The following TPSB2 variants were observed in gnomAD, a reference collection of about 807,000 sequenced individuals.
TPSB2 encodes tryptase beta 2.
TPSB2 carries 13 observed loss-of-function variants against 19.8 expected under a neutral mutation model. The ratio of observed to expected loss-of-function variants is 0.66; its 90% CI spans 0.43 to 1.04. The LOEUF (loss-of-function observed/expected upper bound fraction) is 1.04, where lower values mean the gene tolerates loss of function less well. Among genes scored for constraint, TPSB2 ranks in the 50% least tolerant of loss-of-function variants. The pLI, the probability that TPSB2 is intolerant of heterozygous loss-of-function variation, is 0.00. For missense variants in TPSB2, 196 were observed against 259.9 expected (o/e 0.75, Z 1.69); for synonymous variants, 78 against 116.4 (o/e 0.67, Z 2.12).
In TPSB2 at chr16:1,228,575, T is replaced by C. The variant is rs2030271857; in HGVS notation, c.*75A>G. The C allele has an allele frequency of 1.4e-6, 2 of 1,476,504 alleles. No individual in the cohort carries two copies. Among genetic ancestry groups the C allele is most frequent in the Non-Finnish European group, 9.2e-7 (1 of 1,085,014 alleles). 91.5% of individuals were successfully genotyped at this position (1,476,504 alleles called of 1,614,324 possible). A position where few individuals can be genotyped will look rare whatever the true frequency, so the allele number is the denominator to read the frequency against. Reference sequence around the variant, plus strand: ...GAAGGTGTGGGGGGCAGTCGCCACCTGGGTAGGAAGCAGTGGTGTTTTGAA... The same window carrying C: ...GAAGGTGTGGGGGGCAGTCGCCACCCGGGTAGGAAGCAGTGGTGTTTTGAA... On this transcript the variant is annotated 3_prime_UTR_variant, in exon 6 of 6. Transcript: ENST00000606293.
chr16:1,228,462 G>C lies in TPSB2; in HGVS notation c.*188C>G, dbSNP rs1256403040. On this transcript the variant is annotated 3_prime_UTR_variant, in exon 6 of 6. Coordinates refer to ENST00000606293, the MANE Select transcript of TPSB2 (RefSeq NM_024164.6). The stretch of plus-strand genomic sequence containing the variant: ...GGCTTAGGACAGGGAAGGGGGCTCA[G>C]GATGGGGAAGGGTCCTCAGGACAGG... The C allele has an allele frequency of 1.6e-6, 2 of 1,260,516 alleles. No individual in the cohort carries two copies. The highest frequency in any genetic ancestry group is 2.6e-5 in the Admixed American group (1 of 38,474). The allele number at this position is 1,260,516 out of a possible 1,614,324, so 78.1% of individuals were successfully genotyped here.
In TPSB2 at chr16:1,228,423, C is replaced by G. The variant is rs1340825845; in HGVS notation, c.*227G>C. 2.0e-6 allele frequency: 2 copies of G among 980,912 alleles called. No homozygotes were observed. The highest frequency in any genetic ancestry group is 2.9e-6 in the Non-Finnish European group (2 of 681,964). 60.8% of individuals were successfully genotyped at this position (980,912 alleles called of 1,614,324 possible). A position where few individuals can be genotyped will look rare whatever the true frequency, so the allele number is the denominator to read the frequency against. On this transcript the variant is annotated 3_prime_UTR_variant, in exon 6 of 6. Coordinates refer to ENST00000606293, the MANE Select transcript of TPSB2 (RefSeq NM_024164.6). ...CTGGGCAGGGGAGGGCCGGAGGGCC[C>G]GGTGCAGGCGTCAGGCTTAGGACAG...
In TPSB2 at chr16:1,228,471, A is replaced by G. The variant is rs2030266543; in HGVS notation, c.*179T>C. On this transcript the variant is annotated 3_prime_UTR_variant, in exon 6 of 6. Coordinates refer to ENST00000606293, the MANE Select transcript of TPSB2 (RefSeq NM_024164.6). ...CAGGGAAGGGGGCTCAGGATGGGGA[A>G]GGGTCCTCAGGACAGGGGAAGGGGC... is the stretch of plus-strand genomic sequence containing the variant. 10 of 1,242,354 alleles carry G rather than the reference A, an allele frequency of 8.0e-6. No individual in the cohort carries two copies. In the South Asian group the frequency reaches 1.4e-4, roughly 17 times the overall value. 77.0% of individuals were successfully genotyped at this position (1,242,354 alleles called of 1,614,324 possible). A position where few individuals can be genotyped will look rare whatever the true frequency, so the allele number is the denominator to read the frequency against.
At position 1,229,585 on chromosome 16, in the gene TPSB2, C is replaced by G. The variant is rs371932070; in HGVS notation, c.214G>C (p.Ala72Pro). 9 of 1,575,202 alleles carry G rather than the reference C, an allele frequency of 5.7e-6. No individual in the cohort carries two copies. The Admixed American group carries it at 1.1e-4, about 19-fold the overall frequency. Residue 72 changes from alanine (A) to proline (P), a missense_variant, in exon 3 of 6, where the codon GCA becomes CCA. By Grantham distance (27) the Ala-to-Pro change is conservative. This residue lies in a region of TPSB2 where 72 missense variants were observed against 80.5 expected (regional missense o/e 0.89). Coordinates refer to ENST00000606293, the MANE Select transcript of TPSB2 (RefSeq NM_024164.6). Reference sequence around the variant, plus strand: ...ACTCACGGTCCCACGCAGTGCGCTGCGGTCAGCACCCACTGGGGGTGGATG... The same window carrying G: ...ACTCACGGTCCCACGCAGTGCGCTGGGGTCAGCACCCACTGGGGGTGGATG... ...SLIHPQWVLT[A>P]AHCVGPDVKD... is the part of the protein sequence containing the mutation.
rs758011100 is a variant in TPSB2 at position 1,229,759 on chromosome 16, G to T, written c.62-22C>A. 8.4e-6 allele frequency: 13 copies of T among 1,545,358 alleles called. 1 individual carries two copies. The Admixed American group carries it at 2.6e-4, about 31-fold the overall frequency. On this transcript the variant is annotated intron_variant, in intron 2 of 5. Transcript: ENST00000606293. ...GGGGCTGGGGCAGGTGCCAGGTCAG[G>T]ACCAGGAAGCAGCCCCAGGCCTGGG... is the stretch of plus-strand genomic sequence containing the variant.
At position 1,229,751 on chromosome 16, in the gene TPSB2, C is replaced by T. The variant is rs776628993; in HGVS notation, c.62-14G>A. The T allele has an allele frequency of 1.2e-5, 18 of 1,558,318 alleles. No homozygotes were observed. The highest frequency in any genetic ancestry group is 1.6e-5 in the Non-Finnish European group (18 of 1,158,786). On this transcript the variant is annotated splice_polypyrimidine_tract_variant and intron_variant, in intron 2 of 5. Coordinates refer to ENST00000606293, the MANE Select transcript of TPSB2 (RefSeq NM_024164.6). ...CCTGGCCTGGGGCTGGGGCAGGTGC[C>T]AGGTCAGGACCAGGAAGCAGCCCCA...
Position 1,228,368 on chromosome 16 carries a change from T to C in TPSB2, c.*282A>G. 1 of 599,970 alleles carries C rather than the reference T, an allele frequency of 1.7e-6. No homozygotes were observed. Among genetic ancestry groups the C allele is most frequent in the South Asian group, 2.1e-5 (1 of 47,122 alleles). 37.2% of individuals were successfully genotyped at this position (599,970 alleles called of 1,614,324 possible). ...CATGCACTTTAATGAGGTCCAGCAC[T>C]CAGGAGGATTAGCGCCCACCACCAG... is the stretch of plus-strand genomic sequence containing the variant. On this transcript the variant is annotated 3_prime_UTR_variant, in exon 6 of 6. Transcript: ENST00000606293.
chr16:1,228,929 C>T lies in TPSB2; in HGVS notation c.634G>A (p.Ala212Thr). Residue 212 changes from alanine (A) to threonine (T), a missense_variant, in exon 5 of 6, where the codon GCC becomes ACC. Physicochemically the swap from Ala to Thr is moderately conservative, Grantham distance 58 (BLOSUM62 0). This residue lies in a region of TPSB2 where 109 missense variants were observed against 110.2 expected (regional missense o/e 0.99). Transcript: ENST00000606293. ...VRIVRDDMLC[A>T]GNTRRDSCQG... ...CATGAGTCCCTCCGGGTGTTCCCGG[C>T]ACACAGCATGTCGTCACGGACGATG... is the stretch of plus-strand genomic sequence containing the variant. 2 of 403,820 alleles carry T rather than the reference C, an allele frequency of 5.0e-6. No homozygotes were observed. The highest frequency in any genetic ancestry group is 8.2e-6 in the Non-Finnish European group (2 of 243,464). The allele number at this position is 403,820 out of a possible 1,614,324, so 25.0% of individuals were successfully genotyped here.
chr16:1,229,786 C>T (rs2030344132), intron 2 of TPSB2, 49 bp from the exon 3 acceptor site: 1 of 1,505,132 alleles, frequency 6.6e-7, no homozygotes, highest in East Asian at 2.3e-5. Flanking sequence ...AGGCCTGGGC[C>T]CAGCCCTTCC....
Position 1,228,665 on chromosome 16 carries a change from G to A in TPSB2, c.813C>T (p.Val271=), listed in dbSNP as rs757994636. 7 of 1,603,414 alleles carry A rather than the reference G, an allele frequency of 4.4e-6. No homozygotes were observed. The South Asian group carries it at 7.8e-5, about 18-fold the overall frequency. Residue 271 remains valine, a synonymous_variant, in exon 6 of 6, where the codon GTC becomes GTT. Transcript: ENST00000606293. ...CAGGCCTGACTCACGGCTTTTTGGG[G>A]ACATAGTGGTGGATCCAGTCCAAGT... The part of the protein sequence containing the change: ...TYYLDWIHHY[V]PKKP
In TPSB2 at chr16:1,228,578, G is replaced by A. The variant is rs936995947; in HGVS notation, c.*72C>T. On this transcript the variant is annotated 3_prime_UTR_variant, in exon 6 of 6. Transcript: ENST00000606293. ...GGTGTGGGGGGCAGTCGCCACCTGG[G>A]TAGGAAGCAGTGGTGTTTTGAACAG... 25 of 1,481,110 alleles carry A rather than the reference G, an allele frequency of 1.7e-5. 3 individuals are homozygous for A. Among genetic ancestry groups the A allele is most frequent in the Admixed American group, 5.5e-5 (3 of 54,296 alleles). 91.7% of individuals were successfully genotyped at this position (1,481,110 alleles called of 1,614,324 possible). A position where few individuals can be genotyped will look rare whatever the true frequency, so the allele number is the denominator to read the frequency against.
intron 3 of TPSB2, 29 bp downstream of exon 3, chr16:1,229,537 C>A (rs775559316): frequency 7.2e-7 from 1 of 1,393,006 alleles, no homozygotes; most frequent in African/African-American, 2.2e-5. Context: ...CCAGCCCTTC[C>A]CCACCCTTCC....
intron 4 of TPSB2, 38 bp downstream of exon 4, chr16:1,229,153 T>C: frequency 3.0e-6 from 1 of 335,862 alleles, no homozygotes; most frequent in Non-Finnish European, 4.8e-6. Flanking sequence ...GGGCTGTGGC[T>C]AAGACCCTGG....
In TPSB2 at chr16:1,229,556, G is replaced by A. The variant is rs760615726; in HGVS notation, c.233+10C>T. On this transcript the variant is annotated intron_variant, in intron 3 of 5. Transcript: ENST00000606293. ...CCCTTCCCCACCCTTCCAGGCCCCG[G>A]GAGACTCACGGTCCCACGCAGTGCG... 4.7e-6 allele frequency: 7 copies of A among 1,486,474 alleles called. 1 individual carries two copies. The highest frequency in any genetic ancestry group is 6.2e-6 in the Non-Finnish European group (7 of 1,130,812). 92.1% of individuals were successfully genotyped at this position (1,486,474 alleles called of 1,614,324 possible).
In TPSB2 at chr16:1,229,573, C is replaced by G. The variant is rs199887053; in HGVS notation, c.226G>C (p.Val76Leu). 537,310 of 1,320,564 alleles carry G rather than the reference C, an allele frequency of 0.41. 93,140 individuals carry two copies. Among genetic ancestry groups the G allele is most frequent in the East Asian group, 0.78 (30,146 of 38,856 alleles). The allele number at this position is 1,320,564 out of a possible 1,614,324, so 81.8% of individuals were successfully genotyped here. ...AGGCCCCGGGAGACTCACGGTCCCACGCAGTGCGCTGCGGTCAGCACCCAC... is the reference window on the plus strand; with the variant it reads ...AGGCCCCGGGAGACTCACGGTCCCAGGCAGTGCGCTGCGGTCAGCACCCAC... The part of the protein sequence containing the change: ...PQWVLTAAHC[V>L]GPDVKDLAAL... The change falls in exon 3 of 6, where the codon GTG becomes CTG. Residue 76 changes from valine to leucine, a missense_variant. Val to Leu is a conservative substitution (Grantham distance 32). This residue lies in a region of TPSB2 where 72 missense variants were observed against 80.5 expected (regional missense o/e 0.89). Coordinates refer to ENST00000606293, the MANE Select transcript of TPSB2 (RefSeq NM_024164.6).
chr16:1,228,609 G>T lies in TPSB2; in HGVS notation c.*41C>A, dbSNP rs77309587. ...AGCAGTGGTGTTTTGAACAGGAGGG[G>T]CTGGCTCTCCAGTGACCCAGGTGGA... On this transcript the variant is annotated 3_prime_UTR_variant, in exon 6 of 6. Transcript: ENST00000606293. 6.5e-7 allele frequency: 1 copy of T among 1,532,154 alleles called. No individual in the cohort carries two copies. The highest frequency in any genetic ancestry group is 1.7e-5 in the Admixed American group (1 of 57,568). The allele number at this position is 1,532,154 out of a possible 1,614,324, so 94.9% of individuals were successfully genotyped here.
rs534795914 is a variant in TPSB2 at position 1,228,594 on chromosome 16, T to G, written c.*56A>C. On this transcript the variant is annotated 3_prime_UTR_variant, in exon 6 of 6. Transcript: ENST00000606293. ...GCCACCTGGGTAGGAAGCAGTGGTG[T>G]TTTGAACAGGAGGGGCTGGCTCTCC... is the stretch of plus-strand genomic sequence containing the variant. 82 of 1,519,084 alleles carry G rather than the reference T, an allele frequency of 5.4e-5. 1 individual carries two copies. The African/African-American group carries it at 5.7e-4, about 11-fold the overall frequency. 94.1% of individuals were successfully genotyped at this position (1,519,084 alleles called of 1,614,324 possible). A position where few individuals can be genotyped will look rare whatever the true frequency, so the allele number is the denominator to read the frequency against.
Position 1,228,529 on chromosome 16 carries a change from G to T in TPSB2, c.*121C>A. The stretch of plus-strand genomic sequence containing the variant: ...AGAGCAGGGGGCTTAGGACAGGAAG[G>T]GGCACTCAGGACGGGGCAGGGAAGG... On this transcript the variant is annotated 3_prime_UTR_variant, in exon 6 of 6. Coordinates refer to ENST00000606293, the MANE Select transcript of TPSB2 (RefSeq NM_024164.6). 1 of 678,152 alleles carries T rather than the reference G, an allele frequency of 1.5e-6. No homozygotes were observed. 42.0% of individuals were successfully genotyped at this position (678,152 alleles called of 1,614,324 possible).
rs2030334243 is a variant in TPSB2 at position 1,229,661 on chromosome 16, C to T, written c.138G>A (p.Val46=). Residue 46 remains valine (V), a synonymous_variant, in exon 3 of 6, where the codon GTG becomes GTA. Coordinates refer to ENST00000606293, the MANE Select transcript of TPSB2 (RefSeq NM_024164.6). The stretch of plus-strand genomic sequence containing the variant: ...AGTATCGGTCGCGGACTCTCAGGCT[C>T]ACCTGCCAGGGCCACTTGCTCCTGG... ...EAPRSKWPWQ[V]SLRVRDRYWM... 1 of 1,606,608 alleles carries T rather than the reference C, an allele frequency of 6.2e-7. No homozygotes were observed. Among genetic ancestry groups the T allele is most frequent in the African/African-American group, 1.4e-5 (1 of 71,696 alleles).
Sources: allele counts gnomAD v4.1 joint callset, GRCh38; gene constraint gnomAD v4.1.1; regional missense constraint gnomAD v4.1.1; transcripts MANE v1.5; gene names NCBI Gene and HGNC (gene_info 2026-07-23, HGNC 2026-07-21).